BUB1: variants seen among roughly 807,000 people sequenced by gnomAD.
BUB1 encodes the protein mitotic checkpoint serine/threonine-protein kinase BUB1.
In BUB1, 84 loss-of-function variants were observed where a neutral mutation model predicts 135.2. That is an observed-to-expected ratio of 0.62 (90% confidence interval 0.52 to 0.74). BUB1 has a LOEUF of 0.74. BUB1 is among the 30% of genes least tolerant of loss of function. BUB1 has a pLI of 0.00. For synonymous variants in BUB1, 403 were observed against 434.4 expected (o/e 0.93, Z 0.90); for missense variants, 1,162 against 1,288.3 (o/e 0.90, Z 1.50).
At chr2:110,662,557 T>C (rs1690127241) in intron 9 of BUB1, among the ~76,000 whole-genome samples, 1 of 152,198 alleles carries the variant, frequency 6.6e-6, no homozygotes. Context: ...CCCAGAACTT[T>C]GGGAGACCGA....
At position 110,655,846 on chromosome 2, in the gene BUB1, A is replaced by G. The variant is rs774912309; in HGVS notation, c.1769T>C (p.Leu590Pro). The change falls in exon 16 of 25, where the codon CTG becomes CCG. Residue 590 changes from leucine (L) to proline (P), a missense_variant. Leu to Pro is a moderately conservative substitution (Grantham distance 98). Coordinates refer to ENST00000302759, the MANE Select transcript of BUB1 (RefSeq NM_004336.5). Reference protein sequence around the residue: ...TVWGIRCNKTLAPSPKSPGDF... With the variant: ...TVWGIRCNKTPAPSPKSPGDF... ...TCCTGGGCTCTTAGGACTGGGTGCC[A>G]GGGTTTTGTTGCAGCGAATACCCCA... 1 of 1,614,096 alleles carries G rather than the reference A, an allele frequency of 6.2e-7. No individual in the cohort carries two copies. The highest frequency in any genetic ancestry group is 8.5e-7 in the Non-Finnish European group (1 of 1,179,954).
At chr2:110,668,968 A>G (rs1471691554) in intron 6 of BUB1, among the ~76,000 whole-genome samples, 1 of 152,222 alleles carries the variant, frequency 6.6e-6, no homozygotes, top group Non-Finnish European at 1.5e-5. Context: ...TACACAAAAC[A>G]TAAAGAGTGA....
intron 1 of BUB1, among the ~76,000 whole-genome samples, chr2:110,676,049 T>G (rs1288904672): frequency 6.6e-6 from 1 of 151,712 alleles, no homozygotes. Flanking sequence ...AAAAGCTAAA[T>G]AAAGACAACT....
intron 6 of BUB1, among the ~76,000 whole-genome samples, chr2:110,669,023 T>C (rs1047556290): frequency 7.9e-5 from 12 of 152,174 alleles, no homozygotes; most frequent in Non-Finnish European, 1.8e-4. Flanking sequence ...GTATGACCCA[T>C]TGCCTGGGAG....
intron 3 of BUB1, 83 bp from the exon 4 acceptor site, chr2:110,672,940 G>A: frequency 7.2e-7 from 1 of 1,379,416 alleles, no homozygotes; most frequent in Non-Finnish European, 9.7e-7. Context: ...GCTAAGCTGG[G>A]AGCCCCTAGG....
At chr2:110,638,376 T>G (rs747415051) in intron 24 of BUB1, among the ~76,000 whole-genome samples, 5 of 152,160 alleles carry the variant, frequency 3.3e-5, no homozygotes, top group Non-Finnish European at 7.4e-5. Context: ...TTCCAAAAAA[T>G]AAGATAAGTA....
intron 6 of BUB1, among the ~76,000 whole-genome samples, chr2:110,668,630 A>C (rs1020488590): frequency 2.6e-5 from 4 of 152,210 alleles, no homozygotes; most frequent in Non-Finnish European, 4.4e-5. Flanking sequence ...CATGAGGCTG[A>C]GGGAAGAAGA....
rs563965275 is a variant in BUB1 at position 110,649,433 on chromosome 2, C to T, written c.2204-56G>A. 15 of 1,449,122 alleles carry T rather than the reference C, an allele frequency of 1.0e-5. No individual in the cohort carries two copies. The East Asian group carries it at 3.5e-4, about 33-fold the overall frequency. The allele number at this position is 1,449,122 out of a possible 1,614,324, so 89.8% of individuals were successfully genotyped here. ...GGAACATGAATTGAGTACTCAAGAACTTTACCAAATAAATTATAGACAAAG... is the reference window on the plus strand; with the variant it reads ...GGAACATGAATTGAGTACTCAAGAATTTTACCAAATAAATTATAGACAAAG... On this transcript the variant is annotated intron_variant, in intron 18 of 24. Coordinates refer to ENST00000302759, the MANE Select transcript of BUB1 (RefSeq NM_004336.5).
Position 110,649,945 on chromosome 2 carries a change from A to G in BUB1, c.2204-568T>C, listed in dbSNP as rs1574319523. Among the ~76,000 whole-genome samples the G allele has an allele frequency of 2.0e-5, 3 of 152,182 alleles. No homozygotes were observed. The South Asian group carries it at 6.2e-4, about 32-fold the overall frequency. On this transcript the variant is annotated intron_variant, in intron 18 of 24. Transcript: ENST00000302759. ...CAAATACTAATCCAACATGGTTAAC[A>G]CTCACTCAGCGCTAAGCACATGCAG...
At chr2:110,676,910 C>T (rs951974767) in intron 1 of BUB1, among the ~76,000 whole-genome samples, 1 of 151,794 alleles carries the variant, frequency 6.6e-6, no homozygotes, top group Admixed American at 6.6e-5. Flanking sequence ...AAACGCATTG[C>T]TTATTTTTAA....
intron 24 of BUB1, among the ~76,000 whole-genome samples, chr2:110,638,473 A>G (rs779302133): frequency 6.6e-6 from 1 of 152,224 alleles, no homozygotes; most frequent in Non-Finnish European, 1.5e-5. Context: ...CTAGCCATAC[A>G]TACAATACTG....
chr2:110,667,253 A>T (rs536472086), intron 8 of BUB1, among the ~76,000 whole-genome samples: 2 of 152,320 alleles, frequency 1.3e-5, no homozygotes, highest in South Asian at 2.1e-4. Context: ...CAAGACATCA[A>T]TTTAGTCCTT....
In BUB1 at chr2:110,655,892, A is replaced by C. The variant is rs748461500; in HGVS notation, c.1723T>G (p.Phe575Val). 8.1e-6 allele frequency: 13 copies of C among 1,613,196 alleles called. No homozygotes were observed. The Middle Eastern group carries it at 1.8e-3, about 225-fold the overall frequency. ...CCCCATACAGTTGAGTCATCCAAAAACTCTTCAGCATGAGGCACTTCCTCC... is the reference window on the plus strand; with the variant it reads ...CCCCATACAGTTGAGTCATCCAAAACCTCTTCAGCATGAGGCACTTCCTCC... ...PKEEVPHAEE[F>V]LDDSTVWGIR... is the part of the protein sequence containing the mutation. Residue 575 changes from phenylalanine (F) to valine (V), a missense_variant, in exon 16 of 25, where the codon TTT becomes GTT. Transcript: ENST00000302759.
chr2:110,656,008 G>T, intron 15 of BUB1, 92 bp from the exon 16 acceptor site: 1 of 1,227,244 alleles, frequency 8.1e-7, no homozygotes. Context: ...CCAAAGAAAT[G>T]AGGATTAAAG....
chr2:110,654,628 T>A (rs1689874075), intron 16 of BUB1, among the ~76,000 whole-genome samples: 1 of 150,056 alleles, frequency 6.7e-6, no homozygotes, highest in Admixed American at 6.6e-5. Context: ...GGAAAAGGCT[T>A]TAATCTTTTT....
In BUB1 at chr2:110,674,707, C is replaced by T. The variant is rs533996655; in HGVS notation, c.27-342G>A. On this transcript the variant is annotated intron_variant, in intron 1 of 24. Coordinates refer to ENST00000302759, the MANE Select transcript of BUB1 (RefSeq NM_004336.5). ...AGGGGCAGTTGCCAGAAGTTTGCTCCTCCTCCTAACAAGAGGATCCAAGCA... is the reference window on the plus strand; with the variant it reads ...AGGGGCAGTTGCCAGAAGTTTGCTCTTCCTCCTAACAAGAGGATCCAAGCA... Among the ~76,000 whole-genome samples, 13 of 152,332 alleles carry T rather than the reference C, an allele frequency of 8.5e-5. No homozygotes were observed. The South Asian group carries it at 2.5e-3, about 29-fold the overall frequency.
In BUB1 at chr2:110,666,025, C is replaced by T. The variant is rs374713770; in HGVS notation, c.957+238G>A. 1.3e-4 allele frequency: 46 copies of T among 364,130 alleles called. 2 individuals are homozygous for T. Among genetic ancestry groups the T allele is most frequent in the Admixed American group, 7.9e-4 (17 of 21,534 alleles). 22.6% of individuals were successfully genotyped at this position (364,130 alleles called of 1,614,324 possible). A position where few individuals can be genotyped will look rare whatever the true frequency, so the allele number is the denominator to read the frequency against. On this transcript the variant is annotated intron_variant, in intron 9 of 24. Coordinates refer to ENST00000302759, the MANE Select transcript of BUB1 (RefSeq NM_004336.5). Reference sequence around the variant, plus strand: ...CCAGAAAAAGGTCTATATATAAATACATGAATATATAGACATGTACACATA... The same window carrying T: ...CCAGAAAAAGGTCTATATATAAATATATGAATATATAGACATGTACACATA...
chr2:110,639,678 G>C, intron 24 of BUB1, 64 bp downstream of exon 24: 1 of 1,275,148 alleles, frequency 7.8e-7, no homozygotes, highest in Non-Finnish European at 1.1e-6. Flanking sequence ...TTTTTTGCCA[G>C]ATGGAACCCA....
chr2:110,639,472 G>T (rs920702954), intron 24 of BUB1, among the ~76,000 whole-genome samples: 2 of 151,964 alleles, frequency 1.3e-5, no homozygotes, highest in East Asian at 1.9e-4. Flanking sequence ...GGTGATTAGG[G>T]GTGGAAACAT....
Sources: gnomAD v4.1 joint callset for allele counts (sites outside exome capture counted in the v4.1 genomes callset) on GRCh38, gnomAD v4.1.1 for gene constraint, MANE v1.5 for transcripts, NCBI Gene and HGNC (gene_info 2026-07-23, HGNC 2026-07-21) for gene names.